Variants in EYA4 observed in about 807,000 individuals in gnomAD.
EYA4 encodes the protein protein phosphatase EYA4.
In EYA4, 31 loss-of-function variants were observed where a neutral mutation model predicts 87.9. The observed-to-expected ratio is 0.35, with a 90% CI of 0.27 to 0.48. EYA4 has a LOEUF of 0.48. Among genes scored for constraint, EYA4 ranks in the 20% least tolerant of loss-of-function variants. EYA4 has a pLI of 0.99. For missense variants in EYA4, 678 were observed against 761.4 expected (o/e 0.89, Z 1.29); for synonymous variants, 263 against 270.6 (o/e 0.97, Z 0.28).
intron 2 of EYA4, among the ~76,000 whole-genome samples, chr6:133,293,321 A>G (rs72991903): frequency 0.096 from 14,554 of 152,114 alleles, 849 homozygotes; most frequent in South Asian, 0.14. Flanking sequence ...CAGTTGACAC[A>G]TAGAGATGCA....
intron 3 of EYA4, among the ~76,000 whole-genome samples, chr6:133,424,721 G>A (rs984503646): frequency 2.2e-4 from 32 of 143,438 alleles, no homozygotes; most frequent in Non-Finnish European, 1.5e-5. Context: ...CTGTGGGTCA[G>A]GTGGCTGCAG....
chr6:133,490,581 A>C (rs903016688), intron 13 of EYA4, among the ~76,000 whole-genome samples: 1 of 151,348 alleles, frequency 6.6e-6, no homozygotes, highest in African/African-American at 2.4e-5. Context: ...AAAGTAAAAC[A>C]AAAAAAAACT....
intron 2 of EYA4, among the ~76,000 whole-genome samples, chr6:133,295,768 ATCATATT>A (rs1464377230): frequency 6.6e-6 from 1 of 152,212 alleles, no homozygotes; most frequent in Non-Finnish European, 1.5e-5. Flanking sequence ...ACTCTGCTAT[ATCATATT>A]TATTATTCAT....
At chr6:133,505,686 ATTC>A (rs1290435476) in intron 13 of EYA4, among the ~76,000 whole-genome samples, 4 of 152,182 alleles carry the variant, frequency 2.6e-5, no homozygotes, top group African/African-American at 9.6e-5. Flanking sequence ...CTATCTTTTA[ATTC>A]TTATTATTTG....
intron 17 of EYA4, among the ~76,000 whole-genome samples, chr6:133,520,932 T>A (rs1369134742): frequency 1.3e-5 from 2 of 149,956 alleles, no homozygotes; most frequent in African/African-American, 4.9e-5. Context: ...TGAAACTGGA[T>A]CCCTTCCTTA....
intron 2 of EYA4, among the ~76,000 whole-genome samples, chr6:133,329,409 T>A (rs1452433309): frequency 6.6e-6 from 1 of 152,118 alleles, no homozygotes; most frequent in Admixed American, 6.5e-5. Context: ...ATGAAAGAGA[T>A]GAAATTCTGG....
intron 5 of EYA4, among the ~76,000 whole-genome samples, chr6:133,454,794 AT>A (rs144709589): frequency 0.023 from 3,452 of 152,162 alleles, 151 homozygotes; most frequent in African/African-American, 0.077. Flanking sequence ...TCAGTGAAGT[AT>A]TTTTAATTAT....
chr6:133,280,586 T>C (rs1777542794), intron 2 of EYA4, among the ~76,000 whole-genome samples: 1 of 151,976 alleles, frequency 6.6e-6, no homozygotes, highest in African/African-American at 2.4e-5. Context: ...TTAGTAGAGA[T>C]GGAGTTTCAC....
At chr6:133,427,630 A>G (rs193055447) in intron 3 of EYA4, among the ~76,000 whole-genome samples, 6 of 152,294 alleles carry the variant, frequency 3.9e-5, no homozygotes, top group Non-Finnish European at 8.8e-5. Flanking sequence ...CGTACTAGAT[A>G]TGTGTTAAAT....
intron 1 of EYA4, chr6:133,245,062 G>A (rs1774295983): frequency 6.6e-6 from 1 of 152,128 alleles, no homozygotes; most frequent in Non-Finnish European, 1.5e-5. Flanking sequence ...ATGCAAGTAT[G>A]TATTATGCTT....
intron 18 of EYA4, among the ~76,000 whole-genome samples, chr6:133,524,858 G>A (rs1472693611): frequency 1.3e-5 from 2 of 152,152 alleles, no homozygotes; most frequent in East Asian, 3.9e-4. Context: ...TCTGTCCGAA[G>A]TAACGCCTTA....
chr6:133,498,215 G>A (rs1562489888), intron 13 of EYA4, among the ~76,000 whole-genome samples: 1 of 152,154 alleles, frequency 6.6e-6, no homozygotes, highest in East Asian at 1.9e-4. Flanking sequence ...AATCCTAATG[G>A]CAGTGCTAAC....
chr6:133,525,351 T>G, intron 19 of EYA4, 97 bp downstream of exon 19: 2 of 956,060 alleles, frequency 2.1e-6, no homozygotes, highest in Non-Finnish European at 3.4e-6. Context: ...GACAAATGAT[T>G]TAAATTTATA....
At chr6:133,394,286 T>A (rs1353946707) in intron 3 of EYA4, among the ~76,000 whole-genome samples, 222 of 14,708 alleles carry the variant, frequency 0.015, 16 homozygotes, top group Non-Finnish European at 0.055. Flanking sequence ...AAGCTTGTGT[T>A]TTTTTTTTTT....
In EYA4 at chr6:133,468,684, C is replaced by T. The variant is rs368625402; in HGVS notation, c.923C>T (p.Ser308Phe). The change falls in exon 11 of 20, where the codon TCT becomes TTT. Residue 308 changes from serine to phenylalanine, a missense_variant. Transcript: ENST00000355286. ...GCCGATGGCACACCCTCTTCAACCT[C>T]TACTTATCAGTTGCAGGAATCTCTC... is the stretch of plus-strand genomic sequence containing the variant. ...NTADGTPSST[S>F]TYQLQESLPG... 4 of 1,612,994 alleles carry T rather than the reference C, an allele frequency of 2.5e-6. No homozygotes were observed. The African/African-American group carries it at 5.3e-5, about 22-fold the overall frequency.
At chr6:133,360,945 G>A (rs988627132) in intron 2 of EYA4, among the ~76,000 whole-genome samples, 3 of 152,200 alleles carry the variant, frequency 2.0e-5, no homozygotes, top group East Asian at 1.9e-4. Flanking sequence ...TAAGTGCATA[G>A]GGAAGACACA....
chr6:133,272,710 C>G (rs1477313917), intron 1 of EYA4, among the ~76,000 whole-genome samples: 1 of 152,176 alleles, frequency 6.6e-6, no homozygotes, highest in Non-Finnish European at 1.5e-5. Context: ...ACTGGCACCT[C>G]AAGCACCATT....
chr6:133,381,076 T>A, intron 2 of EYA4, among the ~76,000 whole-genome samples: 2 of 16,256 alleles, frequency 1.2e-4, no homozygotes, highest in South Asian at 2.6e-3. Context: ...TTTTTTTTTC[T>A]TTTTTTTTTT....
At chr6:133,385,881 C>T (rs78706331) in intron 3 of EYA4, among the ~76,000 whole-genome samples, 3,360 of 152,160 alleles carry the variant, frequency 0.022, 56 homozygotes, top group Non-Finnish European at 0.036. Flanking sequence ...AGTATAAGTA[C>T]GGCACCAAAC....
Sources: gnomAD v4.1 joint callset for allele counts (sites outside exome capture counted in the v4.1 genomes callset) on GRCh38, gnomAD v4.1.1 for gene constraint, MANE v1.5 for transcripts, NCBI Gene and HGNC (gene_info 2026-07-23, HGNC 2026-07-21) for gene names.